FBXL4: variants seen among roughly 807,000 people sequenced by gnomAD.
FBXL4 encodes F-box and leucine rich repeat protein 4, also known as F-box/LRR-repeat protein 4.
Under a neutral mutation model 58.9 loss-of-function variants are expected in FBXL4, and 40 were observed. The ratio of observed to expected loss-of-function variants is 0.68; its 90% CI spans 0.53 to 0.88. FBXL4 has a LOEUF of 0.88. FBXL4 is among the 40% of genes least tolerant of loss of function. The pLI, the probability that FBXL4 is intolerant of heterozygous loss-of-function variation, is 0.00. For synonymous variants in FBXL4, 263 were observed against 265.5 expected, an observed-to-expected ratio of 0.99 and a Z score of 0.09; for missense variants, 676 against 734.4, an observed-to-expected ratio of 0.92 and a Z score of 0.92.
chr6:98,869,731 T>A lies in FBXL4; in HGVS notation c.*4547A>T, dbSNP rs1371957742. On this transcript the variant is annotated 3_prime_UTR_variant, in exon 10 of 10. Coordinates refer to ENST00000369244, the MANE Select transcript of FBXL4 (RefSeq NM_001278716.2). The stretch of plus-strand genomic sequence containing the variant: ...TTGATTAGTATCATTACACTTCACA[T>A]ATGAGTTTTAGTCTTCAGTTAATTC... 6.6e-6 allele frequency: 1 copy of A among 152,190 alleles called. No individual in the cohort carries two copies. The highest frequency in any genetic ancestry group is 1.5e-5 in the Non-Finnish European group (1 of 68,038). The allele number at this position is 152,190 out of a possible 1,614,324, so 9.4% of individuals were successfully genotyped here.
At chr6:98,875,805 T>C in intron 8 of FBXL4, 78 bp from the exon 9 acceptor site, 1 of 1,363,490 alleles carries the variant, frequency 7.3e-7, no homozygotes, top group Non-Finnish European at 1.0e-6. Context: ...AGATTCTTAA[T>C]TATAACCTAT....
intron 1 of FBXL4, among the ~76,000 whole-genome samples, chr6:98,939,148 G>A (rs1452438173): frequency 6.7e-6 from 1 of 149,468 alleles, no homozygotes; most frequent in African/African-American, 2.5e-5. Context: ...GAGGAAGGGA[G>A]ATGAAATGAA....
intron 7 of FBXL4, among the ~76,000 whole-genome samples, chr6:98,892,773 T>A (rs188399543): frequency 6.6e-6 from 1 of 152,204 alleles, no homozygotes; most frequent in Non-Finnish European, 1.5e-5. Context: ...TTCTAGTTCA[T>A]GAAGATAAAA....
In FBXL4 at chr6:98,880,593, C is replaced by T. The variant is rs745312139; in HGVS notation, c.1349G>A (p.Cys450Tyr). The change falls in exon 8 of 10, where the codon TGT (cysteine) becomes TAT (tyrosine). Residue 450 changes from cysteine (C) to tyrosine (Y), a missense_variant. Coordinates refer to ENST00000369244, the MANE Select transcript of FBXL4 (RefSeq NM_001278716.2). ...QTALLSILNF[C>Y]SELQHLSLGS... is the part of the protein sequence containing the mutation. ...TAAACTGAGGTGCTGAAGCTCTGAA[C>T]AGAAGTTCAAAATGCTGAGCAGTGC... 9 of 1,613,942 alleles carry T rather than the reference C, an allele frequency of 5.6e-6. No individual in the cohort carries two copies. The highest frequency in any genetic ancestry group is 7.6e-6 in the Non-Finnish European group (9 of 1,179,914).
intron 1 of FBXL4, among the ~76,000 whole-genome samples, chr6:98,938,107 A>G (rs915724278): frequency 2.2e-5 from 3 of 136,874 alleles, no homozygotes; most frequent in Non-Finnish European, 4.6e-5. Flanking sequence ...GTTCTGTCAT[A>G]TATCCTGTGA....
intron 7 of FBXL4, among the ~76,000 whole-genome samples, chr6:98,881,247 GC>G (rs1179380447): frequency 2.6e-5 from 4 of 152,084 alleles, no homozygotes; most frequent in Non-Finnish European, 5.9e-5. Context: ...TGCCATTTAA[GC>G]CCATCTATCC....
In FBXL4 at chr6:98,926,636, G is replaced by T; in HGVS notation, c.353C>A (p.Pro118Gln). Residue 118 changes from proline to glutamine, a missense_variant, in exon 4 of 10, where the codon CCA (proline) becomes CAA (glutamine). Transcript: ENST00000369244. ...ATAGTCCTGGCTCTGAAAATTAGGT[G>T]GCGTCCTCTTGAATGGCAAGGAAGC... ...PSASLPFKRT[P>Q]PNFQSQDYVE... 3.1e-6 allele frequency: 5 copies of T among 1,614,102 alleles called. No homozygotes were observed. The highest frequency in any genetic ancestry group is 1.1e-5 in the South Asian group (1 of 91,076).
In FBXL4 at chr6:98,905,534, A is replaced by G; in HGVS notation, c.995T>C (p.Leu332Pro). 6.2e-7 allele frequency: 1 copy of G among 1,614,018 alleles called. No individual in the cohort carries two copies. The highest frequency in any genetic ancestry group is 8.5e-7 in the Non-Finnish European group (1 of 1,179,954). Residue 332 changes from leucine to proline, a missense_variant, in exon 6 of 10, where the codon CTA becomes CCA. By Grantham distance (98) the Leu-to-Pro change is moderately conservative. Transcript: ENST00000369244. ...TAGAAATTCCAGAGAAGTGTCATCT[A>G]GTTTTGCCCAGTATGGTTGCAGATT... ...HLNLQPYWAK[L>P]DDTSLEFLQS...
At position 98,874,223 on chromosome 6, in the gene FBXL4, C is replaced by T. The variant is rs924006630; in HGVS notation, c.*55G>A. On this transcript the variant is annotated 3_prime_UTR_variant, in exon 10 of 10. Transcript: ENST00000369244. ...ACTAAAAACAAAACCCAAAACCAAT[C>T]CCAAAATTAAACCCCAACAAAGCAC... The T allele has an allele frequency of 1.4e-6, 2 of 1,396,780 alleles. No individual in the cohort carries two copies. The highest frequency in any genetic ancestry group is 1.9e-6 in the Non-Finnish European group (2 of 1,053,902). 86.5% of individuals were successfully genotyped at this position (1,396,780 alleles called of 1,614,324 possible).
At chr6:98,945,334 T>C (rs1353666687) in intron 1 of FBXL4, among the ~76,000 whole-genome samples, 30 of 152,162 alleles carry the variant, frequency 2.0e-4, no homozygotes, top group Admixed American at 2.0e-3. Context: ...AAGATACTAT[T>C]ATATGCACTG....
chr6:98,909,882 C>T (rs908359864), intron 5 of FBXL4, among the ~76,000 whole-genome samples: 1 of 152,200 alleles, frequency 6.6e-6, no homozygotes, highest in African/African-American at 2.4e-5. Context: ...AACTTGGACA[C>T]TTAAATTCAC....
At chr6:98,911,677 G>A (rs1455356750) in intron 5 of FBXL4, among the ~76,000 whole-genome samples, 4 of 152,170 alleles carry the variant, frequency 2.6e-5, no homozygotes, top group Non-Finnish European at 5.9e-5. Context: ...AAACCCATCT[G>A]TACATCACCA....
intron 1 of FBXL4, among the ~76,000 whole-genome samples, chr6:98,943,600 AG>A (rs1400366961): frequency 2.0e-5 from 3 of 151,322 alleles, no homozygotes; most frequent in Non-Finnish European, 4.4e-5. Flanking sequence ...AAAAAAAAAA[AG>A]AAGACAAACT....
rs1050522515 is a variant in FBXL4 at position 98,873,389 on chromosome 6, TG to T, written c.*888del. The stretch of plus-strand genomic sequence containing the variant: ...TATATAATATATATCTCCACATTTA[TG>T]TTTTTTTATATAATTCAGAAACCTC... On this transcript the variant is annotated 3_prime_UTR_variant, in exon 10 of 10. Coordinates refer to ENST00000369244, the MANE Select transcript of FBXL4 (RefSeq NM_001278716.2). The T allele has an allele frequency of 7.3e-5, 11 of 149,844 alleles. No homozygotes were observed. The highest frequency in any genetic ancestry group is 1.0e-4 in the Non-Finnish European group (7 of 67,550). 9.3% of individuals were successfully genotyped at this position (149,844 alleles called of 1,614,324 possible). A position where few individuals can be genotyped will look rare whatever the true frequency, so the allele number is the denominator to read the frequency against.
At chr6:98,918,391 A>T (rs1772452618) in intron 4 of FBXL4, among the ~76,000 whole-genome samples, 1 of 152,080 alleles carries the variant, frequency 6.6e-6, no homozygotes, top group African/African-American at 2.4e-5. Context: ...ATTAATCATT[A>T]TTTTCCATGC....
At chr6:98,947,698 G>C (rs1449323016) in intron 1 of FBXL4, 108 bp downstream of exon 1, 1 of 152,180 alleles carries the variant, frequency 6.6e-6, no homozygotes, top group African/African-American at 2.4e-5. Context: ...CAGGCGTCCA[G>C]ACTCCCCAAA....
chr6:98,946,921 C>T (rs1773641793), intron 1 of FBXL4, among the ~76,000 whole-genome samples: 1 of 152,004 alleles, frequency 6.6e-6, no homozygotes, highest in Non-Finnish European at 1.5e-5. Flanking sequence ...AGGAAGTGAG[C>T]CTGAAAGAAA....
chr6:98,936,883 A>G (rs571644130), intron 1 of FBXL4, among the ~76,000 whole-genome samples: 1 of 152,316 alleles, frequency 6.6e-6, no homozygotes, highest in East Asian at 1.9e-4. Flanking sequence ...TGTTCAGTCT[A>G]TCTTCCAGAT....
In FBXL4 at chr6:98,917,651, C is replaced by G. The variant is rs1772418077; in HGVS notation, c.581G>C (p.Cys194Ser). ...NASQARQFKP[C>S]IKQINFPTNL... Reference sequence around the variant, plus strand: ...TGTGGGGAAATTTATCTGCTTAATACAAGGTTTAAACTGGCGAGCTTGGGA... The same window carrying G: ...TGTGGGGAAATTTATCTGCTTAATAGAAGGTTTAAACTGGCGAGCTTGGGA... Residue 194 changes from cysteine to serine, a missense_variant, in exon 5 of 10, where the codon TGT (cysteine) becomes TCT (serine). Cys to Ser is a moderately radical substitution (Grantham distance 112). Coordinates refer to ENST00000369244, the MANE Select transcript of FBXL4 (RefSeq NM_001278716.2). The G allele has an allele frequency of 6.2e-7, 1 of 1,613,852 alleles. No homozygotes were observed. The highest frequency in any genetic ancestry group is 8.5e-7 in the Non-Finnish European group (1 of 1,179,846).
Sources: allele counts gnomAD v4.1 joint callset (sites outside exome capture counted in the v4.1 genomes callset), GRCh38; gene constraint gnomAD v4.1.1; transcripts MANE v1.5; gene names NCBI Gene and HGNC (gene_info 2026-07-23, HGNC 2026-07-21).